The following ZNF724 variants were observed in gnomAD, a reference collection of about 807,000 sequenced individuals.
ZNF724 encodes the protein zinc finger protein 724, also known as zinc finger protein 724 pseudogene.
In ZNF724, 14 loss-of-function variants were observed where a neutral mutation model predicts 29.3. That is an observed-to-expected ratio of 0.48 (90% CI 0.32 to 0.75). The LOEUF (loss-of-function observed/expected upper bound fraction) is 0.75. Ranked by LOEUF, ZNF724 falls within the 30% of genes least tolerant of loss-of-function variation. The pLI, the probability that ZNF724 is intolerant of heterozygous loss-of-function variation, is 0.04. For synonymous variants in ZNF724, 180 were observed against 193.6 expected (o/e 0.93, Z 0.58); for missense variants, 557 against 571.2 (o/e 0.98, Z 0.25).
In ZNF724 at chr19:23,223,262, TG is replaced by T. The variant is rs1182921428; in HGVS notation, c.982del (p.His328IlefsTer115). The T allele has an allele frequency of 2.3e-6, 2 of 856,384 alleles. No homozygotes were observed. The highest frequency in any genetic ancestry group is 4.0e-6 in the Non-Finnish European group (2 of 495,280). The allele number at this position is 856,384 out of a possible 1,614,324, so 53.0% of individuals were successfully genotyped here. On this transcript the variant is annotated frameshift_variant, in exon 4 of 4. Coordinates refer to ENST00000418100, the MANE Select transcript of ZNF724 (RefSeq NM_001355404.2). LOFTEE classifies it high-confidence loss of function. ...AFNQSSNLTK[H>X]KRIHTGDKPY... ...TTTATCACCAGTATGAATTCTCTTA[TG>T]TTTAGTAAGGTTCGAGGATTGGTTA...
intron 3 of ZNF724, among the ~76,000 whole-genome samples, chr19:23,228,970 G>A (rs1971887766): frequency 6.6e-6 from 1 of 151,978 alleles, no homozygotes; most frequent in African/African-American, 2.4e-5. Context: ...GGCTGAGGTA[G>A]GAGGATCACC....
In ZNF724 at chr19:23,222,794, C is replaced by A; in HGVS notation, c.1451G>T (p.Gly484Val). 1 of 1,415,780 alleles carries A rather than the reference C, an allele frequency of 7.1e-7. No homozygotes were observed. The highest frequency in any genetic ancestry group is 9.9e-7 in the Non-Finnish European group (1 of 1,008,018). 87.7% of individuals were successfully genotyped at this position (1,415,780 alleles called of 1,614,324 possible). The change falls in exon 4 of 4, where the codon GGC (glycine) becomes GTC (valine). Residue 484 changes from glycine (G) to valine (V), a missense_variant. Gly to Val is a moderately radical substitution (Grantham distance 109, BLOSUM62 -3). Transcript: ENST00000418100. ...GTGTGAGGATAGGTTAAAAGCTTTG[C>A]CACATTCTTCACATTTGTAGGGTTT... ...GEKPYKCEECGKAFNLSSHLT... is the reference protein window; with the variant it reads ...GEKPYKCEECVKAFNLSSHLT...
chr19:23,235,333 C>G (rs1396149082), intron 1 of ZNF724, among the ~76,000 whole-genome samples: 1 of 151,930 alleles, frequency 6.6e-6, no homozygotes, highest in Non-Finnish European at 1.5e-5. Flanking sequence ...AGACAGATGA[C>G]AGGGATACAG....
In ZNF724 at chr19:23,232,624, C is replaced by T. The variant is rs928098245; in HGVS notation, c.4-331G>A. On this transcript the variant is annotated intron_variant, in intron 1 of 3. Coordinates refer to ENST00000418100, the MANE Select transcript of ZNF724 (RefSeq NM_001355404.2). Reference sequence around the variant, plus strand: ...AGTTCTGTTGAGATGAAAGACATGTCGAGTTACAAGGTACATCTCAAATTT... The same window carrying T: ...AGTTCTGTTGAGATGAAAGACATGTTGAGTTACAAGGTACATCTCAAATTT... 2.7e-5 allele frequency among the ~76,000 whole-genome samples: 4 copies of T among 150,892 alleles called. 1 individual carries two copies. The highest frequency in any genetic ancestry group is 9.7e-5 in the African/African-American group (4 of 41,026).
At chr19:23,232,141 G>C in intron 2 of ZNF724, 26 bp downstream of exon 2, 2 of 1,279,004 alleles carry the variant, frequency 1.6e-6, no homozygotes, top group Non-Finnish European at 2.3e-6. Context: ...GGTAGATTAG[G>C]AATTGTGTAT....
intron 3 of ZNF724, among the ~76,000 whole-genome samples, chr19:23,227,555 C>CAAAAAAAAAAAAAAAA (rs1370441801): frequency 7.9e-5 from 6 of 76,034 alleles, no homozygotes; most frequent in South Asian, 5.9e-4. Flanking sequence ...GGCTCCATCT[C>CAAAAAAAAAAAAAAAA]AAAAAAAAAA....
intron 1 of ZNF724, chr19:23,242,736 T>G (rs1972151429): frequency 2.3e-5 from 3 of 129,426 alleles, no homozygotes; most frequent in African/African-American, 5.9e-5. Flanking sequence ...GTAATAATAA[T>G]AATAATAATA....
chr19:23,227,716 G>A (rs1266385684), intron 3 of ZNF724, among the ~76,000 whole-genome samples: 1 of 152,098 alleles, frequency 6.6e-6, no homozygotes, highest in South Asian at 2.1e-4. Context: ...GAAAGTGGGT[G>A]CAAATCCTGT....
At chr19:23,229,057 C>T (rs889899600) in intron 3 of ZNF724, among the ~76,000 whole-genome samples, 5 of 140,914 alleles carry the variant, frequency 3.5e-5, no homozygotes, top group African/African-American at 1.4e-4. Context: ...AGTGAGACTC[C>T]GTCTCAAAAG....
intron 3 of ZNF724, among the ~76,000 whole-genome samples, chr19:23,226,927 AG>A (rs1971839318): frequency 6.6e-6 from 1 of 152,208 alleles, no homozygotes; most frequent in Non-Finnish European, 1.5e-5. Flanking sequence ...ATTCATTTTA[AG>A]AAACCAACAC....
At chr19:23,240,571 G>A (rs1011281521) in intron 1 of ZNF724, among the ~76,000 whole-genome samples, 5 of 152,082 alleles carry the variant, frequency 3.3e-5, no homozygotes, top group Admixed American at 1.3e-4. Context: ...AAGGAAAGTG[G>A]TAGATGCTAA....
intron 3 of ZNF724, among the ~76,000 whole-genome samples, chr19:23,224,845 C>T (rs1029175587): frequency 9.2e-5 from 14 of 152,070 alleles, no homozygotes; most frequent in Non-Finnish European, 2.1e-4. Flanking sequence ...GTCCCAGCTA[C>T]TTGGGAGGCT....
At chr19:23,232,324 G>C (rs745852272) in intron 1 of ZNF724, 31 bp from the exon 2 acceptor site, 5 of 1,072,048 alleles carry the variant, frequency 4.7e-6, no homozygotes, top group Non-Finnish European at 7.1e-6. Flanking sequence ...TATTTACGAA[G>C]TGGCCATGGG....
At chr19:23,229,283 A>C (rs561974383) in intron 3 of ZNF724, among the ~76,000 whole-genome samples, 2 of 152,178 alleles carry the variant, frequency 1.3e-5, no homozygotes, top group South Asian at 4.2e-4. Flanking sequence ...TAACCATCTC[A>C]AACTCCTCCC....
At chr19:23,249,740 G>A (rs548490394) in intron 1 of ZNF724, among the ~76,000 whole-genome samples, 79 of 152,146 alleles carry the variant, frequency 5.2e-4, no homozygotes, top group African/African-American at 1.9e-3. Context: ...CGCCATGTTG[G>A]CCAGGCTGGT....
intron 3 of ZNF724, among the ~76,000 whole-genome samples, chr19:23,226,192 C>G (rs536050467): frequency 6.6e-6 from 1 of 152,102 alleles, no homozygotes; most frequent in South Asian, 2.1e-4. Context: ...GCTGGGACTA[C>G]AGGCGCCCTC....
intron 1 of ZNF724, among the ~76,000 whole-genome samples, chr19:23,237,957 CATCT>C (rs563274472): frequency 4.9e-4 from 74 of 152,262 alleles, no homozygotes; most frequent in Non-Finnish European, 8.4e-4. Flanking sequence ...ACTTCCTCTG[CATCT>C]TTTAGTCTTT....
At chr19:23,233,101 A>C (rs1971966383) in intron 1 of ZNF724, among the ~76,000 whole-genome samples, 1 of 152,198 alleles carries the variant, frequency 6.6e-6, no homozygotes, top group South Asian at 2.1e-4. Context: ...ACACAGCATC[A>C]CTGCTGGAAT....
In ZNF724 at chr19:23,222,983, G is replaced by A. The variant is rs767794901; in HGVS notation, c.1262C>T (p.Pro421Leu). Residue 421 changes from proline (P) to leucine (L), a missense_variant, in exon 4 of 4, where the codon CCC (proline) becomes CTC (leucine). By Grantham distance (98) the Pro-to-Leu change is moderately conservative (BLOSUM62 -3). Transcript: ENST00000418100. ...TTTGCCACATTCTTCACATTTGTAGGGTTTCTCTCCGGTATGAATTCTTTT... is the reference window on the plus strand; with the variant it reads ...TTTGCCACATTCTTCACATTTGTAGAGTTTCTCTCCGGTATGAATTCTTTT... ...THKRIHTGEKPYKCEECGKAF... is the reference protein window; with the variant it reads ...THKRIHTGEKLYKCEECGKAF... The A allele has an allele frequency of 2.2e-6, 3 of 1,380,816 alleles. No homozygotes were observed. The highest frequency in any genetic ancestry group is 2.3e-5 in the South Asian group (2 of 86,122). The allele number at this position is 1,380,816 out of a possible 1,614,324, so 85.5% of individuals were successfully genotyped here. A position where few individuals can be genotyped will look rare whatever the true frequency, so the allele number is the denominator to read the frequency against.
Sources: gnomAD v4.1 joint callset for allele counts (sites outside exome capture counted in the v4.1 genomes callset) on GRCh38, gnomAD v4.1.1 for gene constraint, MANE v1.5 for transcripts, NCBI Gene and HGNC (gene_info 2026-07-23, HGNC 2026-07-21) for gene names.